Variants in ERI3 observed in about 807,000 individuals in gnomAD.
The protein encoded by ERI3 is ERI1 exoribonuclease family member 3.
In ERI3, 18 loss-of-function variants were observed where a neutral mutation model predicts 44.4. The ratio of observed to expected loss-of-function variants is 0.41; its 90% CI spans 0.28 to 0.60. The LOEUF (loss-of-function observed/expected upper bound fraction) is 0.60. ERI3 is among the 20% of genes least tolerant of loss of function. ERI3 has a pLI of 0.36. For synonymous variants in ERI3, 183 were observed against 164.8 expected, an observed-to-expected ratio of 1.11 and a Z score of -0.84; for missense variants, 294 against 435.5, an observed-to-expected ratio of 0.68 and a Z score of 2.89.
rs554571246 is a variant in ERI3 at position 44,294,914 on chromosome 1, C to T, written c.759-10007G>A. The stretch of plus-strand genomic sequence containing the variant: ...GGCCTATGATGCCCTCTGGAGGCTC[C>T]GCAGAGAGGCATCCTCCTAGCGTTC... On this transcript the variant is annotated intron_variant, in intron 6 of 8. Coordinates refer to ENST00000372257, the MANE Select transcript of ERI3 (RefSeq NM_024066.3). Among the ~76,000 whole-genome samples the T allele has an allele frequency of 3.6e-4, 55 of 152,342 alleles. No individual in the cohort carries two copies. In the South Asian group the frequency reaches 0.011, roughly 30 times the overall value.
chr1:44,242,209 C>T, intron 8 of ERI3: 1 of 933,512 alleles, frequency 1.1e-6, no homozygotes, highest in South Asian at 4.9e-5. Flanking sequence ...GTGCTCTGCC[C>T]TTCCCCACAA....
In ERI3 at chr1:44,221,517, CA is replaced by C. The variant is rs749825249; in HGVS notation, c.*40del. On this transcript the variant is annotated 3_prime_UTR_variant, in exon 9 of 9. Coordinates refer to ENST00000372257, the MANE Select transcript of ERI3 (RefSeq NM_024066.3). The surrounding 1 kb of genome is among the most constrained non-coding windows in gnomAD (Gnocchi z 5.9). The stretch of plus-strand genomic sequence containing the variant: ...GGGAGAGGAGGATTCTGGGCTGGGC[CA>C]AACAGCTACCCTGTCCTGCCCCATC... 3.2e-6 allele frequency: 5 copies of C among 1,557,822 alleles called. No homozygotes were observed. In the African/African-American group the frequency reaches 6.8e-5, roughly 21 times the overall value.
intron 3 of ERI3, among the ~76,000 whole-genome samples, chr1:44,331,791 G>A (rs1646435405): frequency 6.6e-6 from 1 of 152,058 alleles, no homozygotes; most frequent in Admixed American, 6.6e-5. Flanking sequence ...TTCTCTTCCT[G>A]CTATAACAGT....
chr1:44,318,397 T>C (rs1025285202), intron 4 of ERI3, among the ~76,000 whole-genome samples: 5 of 152,206 alleles, frequency 3.3e-5, no homozygotes, highest in African/African-American at 1.2e-4. Context: ...ATGGTGATTT[T>C]TCAAAAAGGG....
At chr1:44,305,550 C>G (rs1214687254) in intron 6 of ERI3, among the ~76,000 whole-genome samples, 1 of 152,238 alleles carries the variant, frequency 6.6e-6, no homozygotes, top group Non-Finnish European at 1.5e-5. Context: ...TTAGCAGGAT[C>G]TGTGACTACA....
intron 5 of ERI3, among the ~76,000 whole-genome samples, chr1:44,311,053 TAAGAA>T (rs1557841281): frequency 6.9e-6 from 1 of 144,758 alleles, no homozygotes; most frequent in Non-Finnish European, 1.5e-5. Flanking sequence ...CAGGGTCACC[TAAGAA>T]AAGAGGTAAG....
chr1:44,244,678 C>T (rs992815805), intron 8 of ERI3, among the ~76,000 whole-genome samples: 2 of 152,102 alleles, frequency 1.3e-5, no homozygotes, highest in Admixed American at 6.5e-5. Flanking sequence ...ACTAGTCCTT[C>T]CCCTACAAAC....
At chr1:44,259,724 A>ACACACACACACACACACACACAC (rs1553185527) in intron 7 of ERI3, among the ~76,000 whole-genome samples, 1 of 148,660 alleles carries the variant, frequency 6.7e-6, no homozygotes, top group African/African-American at 2.5e-5. Flanking sequence ...ACACACACAC[A>ACACACACACACACACACACACAC]AATTAGCCAG....
intron 6 of ERI3, among the ~76,000 whole-genome samples, chr1:44,297,599 T>G (rs1034511715): frequency 2.0e-5 from 3 of 152,196 alleles, no homozygotes; most frequent in Non-Finnish European, 4.4e-5. Flanking sequence ...GTAGCCTTCA[T>G]GTGCCTCTGC....
chr1:44,330,253 G>A (rs938622398), intron 3 of ERI3, among the ~76,000 whole-genome samples: 1 of 152,188 alleles, frequency 6.6e-6, no homozygotes, highest in Non-Finnish European at 1.5e-5. Context: ...CTCCAAATAA[G>A]TGCCTCTGCC....
At chr1:44,316,931 C>G (rs908526204) in intron 4 of ERI3, among the ~76,000 whole-genome samples, 9 of 152,154 alleles carry the variant, frequency 5.9e-5, no homozygotes, top group African/African-American at 2.2e-4. Context: ...CTGTCAGAAC[C>G]ACGTCTCCAG....
At chr1:44,270,019 C>T (rs1645059478) in intron 7 of ERI3, among the ~76,000 whole-genome samples, 1 of 152,198 alleles carries the variant, frequency 6.6e-6, no homozygotes, top group South Asian at 2.1e-4. Flanking sequence ...GACTGACCTA[C>T]AGACAGTGTG....
intron 8 of ERI3, among the ~76,000 whole-genome samples, chr1:44,236,754 C>T (rs1188563639): frequency 6.6e-6 from 1 of 151,982 alleles, no homozygotes; most frequent in African/African-American, 2.4e-5. Flanking sequence ...CAGGGACTCC[C>T]CCTAAGCTGA....
intron 8 of ERI3, among the ~76,000 whole-genome samples, chr1:44,239,406 T>C (rs1644383544): frequency 6.6e-6 from 1 of 152,146 alleles, no homozygotes; most frequent in Non-Finnish European, 1.5e-5. Context: ...TGAGTGTGAA[T>C]GAATCACACC....
chr1:44,345,375 T>C (rs1646763515), intron 2 of ERI3, among the ~76,000 whole-genome samples: 1 of 152,190 alleles, frequency 6.6e-6, no homozygotes, highest in African/African-American at 2.4e-5. Flanking sequence ...TGTATGTTTA[T>C]ACCACCCCTG....
chr1:44,339,176 TG>T lies in ERI3; in HGVS notation c.357del (p.Thr120ProfsTer28). The part of the protein sequence containing the change: ...PCGVPEFCSI[S>X]TRKLAAHGFG... ...AAGCCGTGGGCCGCCAGCTTTCTGG[TG>T]GATATGGAGCAGAACTCCGGAACAC... On this transcript the variant is annotated frameshift_variant, in exon 3 of 9. Transcript: ENST00000372257. LOFTEE classifies it high-confidence loss of function. 6.2e-7 allele frequency: 1 copy of T among 1,613,322 alleles called. No homozygotes were observed. The highest frequency in any genetic ancestry group is 8.5e-7 in the Non-Finnish European group (1 of 1,179,836).
rs141459249 is a variant in ERI3 at position 44,223,955 on chromosome 1, A to G, written c.932-2315T>C. 2.2e-4 allele frequency among the ~76,000 whole-genome samples: 33 copies of G among 152,294 alleles called. No homozygotes were observed. In the East Asian group the frequency reaches 5.0e-3, roughly 23 times the overall value. On this transcript the variant is annotated intron_variant, in intron 8 of 8. Coordinates refer to ENST00000372257, the MANE Select transcript of ERI3 (RefSeq NM_024066.3). ...TTTCTAGATAAACCCTAAACGTCCA[A>G]TCACGAGCTAATTTTCTCTCCAAGC... is the stretch of plus-strand genomic sequence containing the variant.
chr1:44,303,232 G>A (rs1444029089), intron 6 of ERI3, among the ~76,000 whole-genome samples: 1 of 152,248 alleles, frequency 6.6e-6, no homozygotes, highest in African/African-American at 2.4e-5. Flanking sequence ...CACAGTGGCA[G>A]TGAGAAAATC....
intron 6 of ERI3, among the ~76,000 whole-genome samples, chr1:44,293,124 A>G (rs1211094975): frequency 6.6e-6 from 1 of 152,246 alleles, no homozygotes; most frequent in Non-Finnish European, 1.5e-5. Flanking sequence ...CTCTGGCAGT[A>G]TTAAAACATA....
Sources: allele counts gnomAD v4.1 joint callset (sites outside exome capture counted in the v4.1 genomes callset), GRCh38; gene constraint gnomAD v4.1.1; non-coding constraint Gnocchi (gnomAD v3.1); transcripts MANE v1.5; gene names NCBI Gene and HGNC (gene_info 2026-07-23, HGNC 2026-07-21).